The following ADGRA2 variants were observed in gnomAD, a reference collection of about 807,000 sequenced individuals.
The protein encoded by ADGRA2 is adhesion G protein-coupled receptor A2.
In ADGRA2, 61 loss-of-function variants were observed where a neutral mutation model predicts 98.7. The observed-to-expected ratio is 0.62, with a 90% CI of 0.50 to 0.76. The LOEUF is 0.76. ADGRA2 is among the 30% of genes least tolerant of loss of function. The pLI is 0.00. For missense variants in ADGRA2, 1,712 were observed against 1,860.0 expected (o/e 0.92, Z 1.46); for synonymous variants, 858 against 831.5 (o/e 1.03, Z -0.55).
rs772791568 is a variant in ADGRA2 at position 37,835,314 on chromosome 8, G to T, written c.1749G>T (p.Glu583Asp). The part of the protein sequence containing the change: ...PGSPGQNPPP[E>D]PEPPADQQLR... ...GCCCTGGCCAGAACCCCCCACCTGA[G>T]CCCGAGCCCCCAGCTGACCAGCAGC... The change falls in exon 12 of 19, where the codon GAG (glutamate) becomes GAT (aspartate). Residue 583 changes from glutamate (E) to aspartate (D), a missense_variant. Glu to Asp is a conservative substitution (Grantham distance 45, BLOSUM62 2). Transcript: ENST00000412232. 1 of 1,613,536 alleles carries T rather than the reference G, an allele frequency of 6.2e-7. No homozygotes were observed. Among genetic ancestry groups the T allele is most frequent in the Non-Finnish European group, 8.5e-7 (1 of 1,179,980 alleles).
chr8:37,812,851 T>C (rs1405787546), intron 1 of ADGRA2, among the ~76,000 whole-genome samples: 6 of 151,634 alleles, frequency 4.0e-5, no homozygotes, highest in Non-Finnish European at 8.8e-5. Context: ...TTTATTTTTA[T>C]TTATTTATTT....
At chr8:37,820,824 T>C (rs946869846) in intron 2 of ADGRA2, among the ~76,000 whole-genome samples, 1 of 151,336 alleles carries the variant, frequency 6.6e-6, no homozygotes, top group African/African-American at 2.4e-5. Context: ...TGTTTTGCAA[T>C]GCAGGGTCCT....
chr8:37,834,328 G>A lies in ADGRA2; in HGVS notation c.1608+200G>A, dbSNP rs1357444105. On this transcript the variant is annotated intron_variant, in intron 11 of 18. Transcript: ENST00000412232. The surrounding 1 kb of genome is among the most constrained non-coding windows in gnomAD (Gnocchi z 4.2). ...CCCTGGAGAAGTGATGCCAGACTCC[G>A]TGGTGGGGAACTGAGCCAAAGGGCC... Among the ~76,000 whole-genome samples the A allele has an allele frequency of 3.9e-5, 6 of 152,240 alleles. No individual in the cohort carries two copies. Among genetic ancestry groups the A allele is most frequent in the South Asian group, 2.1e-4 (1 of 4,830 alleles).
chr8:37,798,151 TC>T (rs1161762411), intron 1 of ADGRA2, among the ~76,000 whole-genome samples: 4 of 152,070 alleles, frequency 2.6e-5, no homozygotes, highest in Admixed American at 1.3e-4. Flanking sequence ...GACCCTGGCG[TC>T]CCCATCCCTC....
In ADGRA2 at chr8:37,835,808, C is replaced by G. The variant is rs930936698; in HGVS notation, c.2050+38C>G. ...ATTCCCCGCCCCGCCCAGGGTGCCT[C>G]TCGTGTGTCCGCCCTGTTCCCCTTT... On this transcript the variant is annotated intron_variant, in intron 13 of 18. Transcript: ENST00000412232. 3.7e-6 allele frequency: 5 copies of G among 1,360,406 alleles called. No individual in the cohort carries two copies. In the African/African-American group the frequency reaches 7.1e-5, roughly 19 times the overall value. 84.3% of individuals were successfully genotyped at this position (1,360,406 alleles called of 1,614,324 possible).
At position 37,806,526 on chromosome 8, in the gene ADGRA2, C is replaced by CTTTTTTTTTTTTTTTTTTTTTTTTTTTTT. The variant is rs533491458; in HGVS notation, c.267-8354_267-8353insTTTTTTTTTTTTTTTTTTTTTTTTTTTTT. On this transcript the variant is annotated intron_variant, in intron 1 of 18. Transcript: ENST00000412232. ...CTTTTTCTTTTTCTTTTTTCTTTTT[C>CTTTTTTTTTTTTTTTTTTTTTTTTTTTTT]TTTTTTTTTTTTTTTTGAGACAGAG... is the stretch of plus-strand genomic sequence containing the variant. Among the ~76,000 whole-genome samples the CTTTTTTTTTTTTTTTTTTTTTTTTTTTTT allele has an allele frequency of 8.0e-4, 80 of 100,346 alleles. 7 individuals are homozygous for CTTTTTTTTTTTTTTTTTTTTTTTTTTTTT. Among genetic ancestry groups the CTTTTTTTTTTTTTTTTTTTTTTTTTTTTT allele is most frequent in the African/African-American group, 1.6e-3 (32 of 19,494 alleles). The allele number at this position is 100,346 out of a possible 152,430, so 65.8% of individuals were successfully genotyped here.
intron 2 of ADGRA2, among the ~76,000 whole-genome samples, chr8:37,822,957 T>A (rs1200952206): frequency 5.3e-5 from 8 of 151,388 alleles, no homozygotes; most frequent in Non-Finnish European, 1.0e-4. Flanking sequence ...AGTGGTGCGA[T>A]CTCGGCTTGC....
chr8:37,812,488 G>A (rs1021237948), intron 1 of ADGRA2, among the ~76,000 whole-genome samples: 5 of 151,812 alleles, frequency 3.3e-5, no homozygotes, highest in South Asian at 2.1e-4. Context: ...TTAGCCGGGC[G>A]TGGTGGCGGG....
chr8:37,821,939 T>C (rs1185910887), intron 2 of ADGRA2, among the ~76,000 whole-genome samples: 4 of 152,098 alleles, frequency 2.6e-5, no homozygotes, highest in Non-Finnish European at 5.9e-5. Flanking sequence ...TGCTGGGCTC[T>C]GTCCCTCCTC....
In ADGRA2 at chr8:37,815,029, G is replaced by A. The variant is rs374004135; in HGVS notation, c.338+62G>A. The A allele has an allele frequency of 1.4e-5, 16 of 1,154,900 alleles. No homozygotes were observed. In the Admixed American group the frequency reaches 1.7e-4, roughly 12 times the overall value. 71.5% of individuals were successfully genotyped at this position (1,154,900 alleles called of 1,614,324 possible). On this transcript the variant is annotated intron_variant, in intron 2 of 18. Coordinates refer to ENST00000412232, the MANE Select transcript of ADGRA2 (RefSeq NM_032777.10). The stretch of plus-strand genomic sequence containing the variant: ...GGCCGTGATGGCAAGAGGTCACCCC[G>A]GGGAGGAGGAGGAACGCTGGTCGCT...
chr8:37,807,674 T>C (rs1001433904), intron 1 of ADGRA2, among the ~76,000 whole-genome samples: 4 of 152,040 alleles, frequency 2.6e-5, no homozygotes, highest in African/African-American at 7.2e-5. Flanking sequence ...CCCCTACCAG[T>C]TCTGTGATGG....
In ADGRA2 at chr8:37,814,853, A is replaced by G. The variant is rs902493311; in HGVS notation, c.267-43A>G. 2.1e-5 allele frequency: 31 copies of G among 1,449,868 alleles called. No homozygotes were observed. Among genetic ancestry groups the G allele is most frequent in the Non-Finnish European group, 1.6e-5 (16 of 1,030,448 alleles). The allele number at this position is 1,449,868 out of a possible 1,614,324, so 89.8% of individuals were successfully genotyped here. A position where few individuals can be genotyped will look rare whatever the true frequency, so the allele number is the denominator to read the frequency against. On this transcript the variant is annotated intron_variant, in intron 1 of 18. Coordinates refer to ENST00000412232, the MANE Select transcript of ADGRA2 (RefSeq NM_032777.10). The surrounding 1 kb of genome is among the most constrained non-coding windows in gnomAD (Gnocchi z 4.3). The stretch of plus-strand genomic sequence containing the variant: ...AGTGGTGAAAGCGGATGCCCAGCAC[A>G]TAACAGCACCTTGTCCTGTCTGTGT...
intron 5 of ADGRA2, 24 bp from the exon 6 acceptor site, chr8:37,829,826 CG>C (rs1805400806): frequency 6.3e-7 from 1 of 1,599,460 alleles, no homozygotes; most frequent in African/African-American, 1.3e-5. Flanking sequence ...TGCTCTGCTC[CG>C]TGACCCCTCT....
Position 37,831,407 on chromosome 8 carries a change from C to T in ADGRA2, c.933-16C>T, listed in dbSNP as rs1301531353. 2.5e-6 allele frequency: 4 copies of T among 1,607,032 alleles called. No homozygotes were observed. Among genetic ancestry groups the T allele is most frequent in the African/African-American group, 2.7e-5 (2 of 74,920 alleles). On this transcript the variant is annotated splice_polypyrimidine_tract_variant and intron_variant, in intron 7 of 18. Coordinates refer to ENST00000412232, the MANE Select transcript of ADGRA2 (RefSeq NM_032777.10). ...CCAAGGGTGACTCACGAGCCAGCTC[C>T]ACCTGCCACCCGCAGTGAGCTGACG...
At chr8:37,832,481 C>T (rs558925848) in intron 8 of ADGRA2, among the ~76,000 whole-genome samples, 122 of 152,228 alleles carry the variant, frequency 8.0e-4, no homozygotes, top group African/African-American at 2.7e-3. Flanking sequence ...GGACTACAGG[C>T]GCAGACACTA....
At chr8:37,804,744 C>T (rs73592893) in intron 1 of ADGRA2, among the ~76,000 whole-genome samples, 2,050 of 152,294 alleles carry the variant, frequency 0.013, 46 homozygotes, top group African/African-American at 0.047. Flanking sequence ...ACTGACCAAT[C>T]AGAGGAGCCA....
intron 2 of ADGRA2, among the ~76,000 whole-genome samples, chr8:37,816,593 A>AAAAC (rs1370952985): frequency 7.9e-4 from 104 of 131,392 alleles, no homozygotes; most frequent in African/African-American, 2.5e-3. Flanking sequence ...CTCCGTCTCA[A>AAAAC]ACACACACAC....
Position 37,829,433 on chromosome 8 carries a change from C to T in ADGRA2, c.483-55C>T, listed in dbSNP as rs373180729. The T allele has an allele frequency of 5.5e-4, 854 of 1,548,040 alleles. 12 individuals are homozygous for T. The South Asian group carries it at 8.4e-3, about 15-fold the overall frequency. Reference sequence around the variant, plus strand: ...CTTCCACATCCCACCTGCTCTCCTCCGCCGGCCCATGGACACCCTAAGACC... The same window carrying T: ...CTTCCACATCCCACCTGCTCTCCTCTGCCGGCCCATGGACACCCTAAGACC... On this transcript the variant is annotated intron_variant, in intron 4 of 18. Coordinates refer to ENST00000412232, the MANE Select transcript of ADGRA2 (RefSeq NM_032777.10).
chr8:37,839,400 G>C (rs1467032723), intron 15 of ADGRA2, 99 bp from the exon 16 acceptor site: 1 of 1,540,978 alleles, frequency 6.5e-7, no homozygotes, highest in East Asian at 2.3e-5. Context: ...CACACACGCA[G>C]ATATGTGCCT....
Sources: gnomAD v4.1 joint callset for allele counts (sites outside exome capture counted in the v4.1 genomes callset) on GRCh38, gnomAD v4.1.1 for gene constraint, Gnocchi (gnomAD v3.1) non-coding constraint, MANE v1.5 for transcripts, NCBI Gene and HGNC (gene_info 2026-07-23, HGNC 2026-07-21) for gene names.